ADGRV1: variants seen among roughly 807,000 people sequenced by gnomAD.
ADGRV1 encodes adhesion G protein-coupled receptor V1.
ADGRV1 carries 359 observed loss-of-function variants against 596.2 expected under a neutral mutation model. The ratio of observed to expected loss-of-function variants is 0.60; its 90% CI spans 0.55 to 0.66. The LOEUF (loss-of-function observed/expected upper bound fraction) is 0.66, where lower values mean the gene tolerates loss of function less well. Among genes scored for constraint, ADGRV1 ranks in the 30% least tolerant of loss-of-function variants. The pLI is 0.00. For missense variants in ADGRV1, 7,274 were observed against 7,575.6 expected (o/e 0.96, Z 1.48); for synonymous variants, 2,681 against 2,679.2 (o/e 1.00, Z -0.02).
At chr5:90,960,170 G>A (rs998719594) in intron 83 of ADGRV1, among the ~76,000 whole-genome samples, 1 of 151,116 alleles carries the variant, frequency 6.6e-6, no homozygotes, top group African/African-American at 2.4e-5. Flanking sequence ...ACAGATCAGT[G>A]TATGCCTAGG....
chr5:91,097,192 A>G (rs1321019260), intron 86 of ADGRV1, among the ~76,000 whole-genome samples: 1 of 152,180 alleles, frequency 6.6e-6, no homozygotes, highest in Admixed American at 6.5e-5. Flanking sequence ...AGTGTCTGGC[A>G]AGGGCCCAGA....
At chr5:91,076,993 A>G (rs930654549) in intron 86 of ADGRV1, among the ~76,000 whole-genome samples, 11 of 152,008 alleles carry the variant, frequency 7.2e-5, no homozygotes, top group Non-Finnish European at 1.3e-4. Context: ...TATTTCTTCT[A>G]TTTACTCTAC....
intron 55 of ADGRV1, among the ~76,000 whole-genome samples, chr5:90,755,927 G>C (rs1356661069): frequency 6.6e-6 from 1 of 150,676 alleles, no homozygotes; most frequent in Non-Finnish European, 1.5e-5. Flanking sequence ...CTCCTGAAGA[G>C]TATAATTTGG....
intron 29 of ADGRV1, among the ~76,000 whole-genome samples, chr5:90,688,992 AC>A (rs1343443683): frequency 1.3e-5 from 2 of 152,322 alleles, no homozygotes; most frequent in African/African-American, 4.8e-5. Flanking sequence ...ATATAAGAAG[AC>A]TGCCTACTTT....
chr5:90,644,008 G>T, intron 14 of ADGRV1, 25 bp downstream of exon 14: 1 of 1,397,736 alleles, frequency 7.2e-7, no homozygotes, highest in East Asian at 2.5e-5. Flanking sequence ...GTCTTATATT[G>T]TATTTCTGTT....
intron 21 of ADGRV1, among the ~76,000 whole-genome samples, chr5:90,667,106 G>A (rs1364092734): frequency 1.3e-5 from 2 of 151,252 alleles, no homozygotes; most frequent in Admixed American, 6.6e-5. Flanking sequence ...TGCTCTTCTC[G>A]AGGAGTATCT....
Position 91,120,532 on chromosome 5 carries a change from A to AT in ADGRV1, c.18432+18202dup, listed in dbSNP as rs937484434. 4.3e-4 allele frequency among the ~76,000 whole-genome samples: 64 copies of AT among 149,746 alleles called. 1 individual carries two copies. The East Asian group carries it at 7.1e-3, about 17-fold the overall frequency. ...CTTTTACAAATTTTCTACACTGAAC[A>AT]TTTTTTTTTTCTAATCAGAGTTGTT... On this transcript the variant is annotated intron_variant, in intron 87 of 89. Transcript: ENST00000405460.
intron 85 of ADGRV1, among the ~76,000 whole-genome samples, chr5:90,986,026 A>G (rs536738890): frequency 6.6e-6 from 1 of 151,276 alleles, no homozygotes; most frequent in South Asian, 2.1e-4. Context: ...TTCTTATTAA[A>G]ATACCCTTTT....
At chr5:91,078,955 AT>A (rs1457297050) in intron 86 of ADGRV1, among the ~76,000 whole-genome samples, 3 of 152,194 alleles carry the variant, frequency 2.0e-5, no homozygotes, top group Non-Finnish European at 4.4e-5. Context: ...TAAGTATGTC[AT>A]TGTCCTTTTA....
chr5:90,645,309 G>A (rs898395620), intron 15 of ADGRV1, among the ~76,000 whole-genome samples: 3 of 152,156 alleles, frequency 2.0e-5, no homozygotes, highest in African/African-American at 7.2e-5. Context: ...TCCTAGGAGA[G>A]TGACACTTAG....
intron 77 of ADGRV1, among the ~76,000 whole-genome samples, chr5:90,838,824 G>T (rs1035480179): frequency 7.9e-5 from 12 of 151,802 alleles, no homozygotes; most frequent in Non-Finnish European, 4.4e-5. Context: ...CCAGGAGTTG[G>T]ATACCAGCCT....
intron 82 of ADGRV1, among the ~76,000 whole-genome samples, chr5:90,857,462 A>T (rs1378894240): frequency 2.0e-5 from 3 of 152,168 alleles, no homozygotes; most frequent in Non-Finnish European, 4.4e-5. Flanking sequence ...GTAGGACTGA[A>T]TATAATGAGT....
chr5:91,150,539 C>G (rs967955240), intron 88 of ADGRV1, among the ~76,000 whole-genome samples: 7 of 152,310 alleles, frequency 4.6e-5, no homozygotes, highest in Non-Finnish European at 1.0e-4. Context: ...TTTCTTTCTT[C>G]AGAATCTTTC....
At chr5:90,799,617 C>T (rs2150174095) in intron 70 of ADGRV1, among the ~76,000 whole-genome samples, 1 of 152,244 alleles carries the variant, frequency 6.6e-6, no homozygotes, top group South Asian at 2.1e-4. Context: ...GCCCGCATTG[C>T]CAAGACAATC....
chr5:90,691,705 C>T (rs896209335), intron 31 of ADGRV1, among the ~76,000 whole-genome samples: 3 of 152,076 alleles, frequency 2.0e-5, no homozygotes, highest in African/African-American at 7.2e-5. Flanking sequence ...AAACTCTTAA[C>T]TTATATTTAT....
At chr5:90,827,183 T>C (rs1266523318) in intron 76 of ADGRV1, among the ~76,000 whole-genome samples, 1 of 152,176 alleles carries the variant, frequency 6.6e-6, no homozygotes. Flanking sequence ...CAAAAGATCA[T>C]CCTGGGATGC....
intron 87 of ADGRV1, among the ~76,000 whole-genome samples, chr5:91,140,877 G>A (rs895359684): frequency 6.6e-6 from 1 of 152,200 alleles, no homozygotes; most frequent in Non-Finnish European, 1.5e-5. Context: ...AACACTGAGA[G>A]TCTCAGAGAC....
intron 1 of ADGRV1, among the ~76,000 whole-genome samples, chr5:90,560,593 G>A (rs1010182094): frequency 3.3e-5 from 5 of 151,560 alleles, no homozygotes; most frequent in African/African-American, 9.8e-5. Context: ...ATGATTAAAA[G>A]CTAAAATTGC....
chr5:91,100,765 C>T (rs1174243749), intron 86 of ADGRV1, among the ~76,000 whole-genome samples: 3 of 152,134 alleles, frequency 2.0e-5, no homozygotes, highest in Admixed American at 1.3e-4. Flanking sequence ...TCTTCAGTAA[C>T]GGGAAAAATT....
Sources: allele counts gnomAD v4.1 joint callset (sites outside exome capture counted in the v4.1 genomes callset), GRCh38; gene constraint gnomAD v4.1.1; transcripts MANE v1.5; gene names NCBI Gene and HGNC (gene_info 2026-07-23, HGNC 2026-07-21).